The following INPP4A variants were observed in gnomAD, a reference collection of about 807,000 sequenced individuals.
INPP4A encodes the protein inositol polyphosphate-4-phosphatase type I A, also known as inositol polyphosphate-4-phosphatase, type I, 107kD.
INPP4A carries 33 observed loss-of-function variants against 119.8 expected under a neutral mutation model. The ratio of observed to expected loss-of-function variants is 0.28; its 90% confidence interval spans 0.21 to 0.37. The LOEUF is 0.37. INPP4A is among the 10% of genes least tolerant of loss of function. INPP4A has a pLI of 1.00. For missense variants in INPP4A, 956 were observed against 1,289.9 expected (o/e 0.74, Z 3.97); for synonymous variants, 496 against 500.7 (o/e 0.99, Z 0.12).
At chr2:98,517,349 T>C (rs988815896) in intron 1 of INPP4A, among the ~76,000 whole-genome samples, 3 of 152,200 alleles carry the variant, frequency 2.0e-5, no homozygotes, top group African/African-American at 7.2e-5. Context: ...TGAGCATAAG[T>C]GTGCGTTTCT....
intron 1 of INPP4A, 50 bp from the exon 2 acceptor site, chr2:98,518,914 G>C (rs1686655682): frequency 6.6e-6 from 1 of 152,224 alleles, no homozygotes; most frequent in African/African-American, 2.4e-5. Context: ...CAGTCTCTCA[G>C]AAACTTCATG....
At chr2:98,537,795 G>A in intron 7 of INPP4A, 68 bp from the exon 8 acceptor site, 1 of 1,226,144 alleles carries the variant, frequency 8.2e-7, no homozygotes. Context: ...TACGGCTAGG[G>A]CTTTGTATTT....
At chr2:98,444,694 C>T (rs1693847217), upstream of INPP4A, among the ~76,000 whole-genome samples, 1 of 152,270 alleles carries the variant, frequency 6.6e-6, no homozygotes, top group South Asian at 2.1e-4. Context: ...CTTGTGGGAA[C>T]CTAGCAGTAG....
rs78776190 is a variant in INPP4A, at chr2:98,515,508, T to A, written c.-165-3456T>A. ...GGGGCCCCCATTGCACTTGGGCTTT[T>A]TCTTTGGGTTGATAACGATAGTTCA... On this transcript the variant is annotated intron_variant, in intron 1 of 24. Transcript: ENST00000409851. 6.6e-4 allele frequency among the ~76,000 whole-genome samples: 100 copies of A among 152,262 alleles called. 2 individuals carry two copies. In the East Asian group the frequency reaches 0.01, roughly 16 times the overall value.
In INPP4A at chr2:98,564,629, C is replaced by T. The variant is rs758567911; in HGVS notation, c.2029-11C>T. 1.4e-5 allele frequency: 22 copies of T among 1,612,908 alleles called. No individual in the cohort carries two copies. Among genetic ancestry groups the T allele is most frequent in the Middle Eastern group, 1.8e-4 (1 of 5,430 alleles). Reference sequence around the variant, plus strand: ...CCTGACCCTGAACCTCTTCACCCCACGCTCCCACAGCTGACCGCCCTCATC... The same window carrying T: ...CCTGACCCTGAACCTCTTCACCCCATGCTCCCACAGCTGACCGCCCTCATC... On this transcript the variant is annotated splice_polypyrimidine_tract_variant and intron_variant, in intron 18 of 24. Coordinates refer to ENST00000409851, the MANE Select transcript of INPP4A (RefSeq NM_001134225.2).
intron 1 of INPP4A, among the ~76,000 whole-genome samples, chr2:98,483,679 G>A (rs139112967): frequency 1.1e-3 from 168 of 152,246 alleles, no homozygotes; most frequent in Admixed American, 1.9e-3. Flanking sequence ...TATTACTTCT[G>A]AGCCCTGCCT....
intron 4 of INPP4A, among the ~76,000 whole-genome samples, chr2:98,528,804 G>A (rs1281810769): frequency 1.3e-5 from 2 of 152,150 alleles, no homozygotes; most frequent in African/African-American, 4.8e-5. Flanking sequence ...TCGGCCAGGC[G>A]CAGTGGCTCA....
At chr2:98,526,978 A>C (rs915867905) in intron 4 of INPP4A, among the ~76,000 whole-genome samples, 2 of 152,022 alleles carry the variant, frequency 1.3e-5, no homozygotes, top group African/African-American at 2.4e-5. Context: ...TTTGTCCCCC[A>C]TTATCCAAAT....
intron 1 of INPP4A, among the ~76,000 whole-genome samples, chr2:98,500,361 C>G (rs1014856178): frequency 6.6e-6 from 1 of 152,144 alleles, no homozygotes; most frequent in Non-Finnish European, 1.5e-5. Flanking sequence ...AAATCAAAAT[C>G]CAGCTGTGGA....
Position 98,524,315 on chromosome 2 carries a change from A to G in INPP4A, c.151+3584A>G, listed in dbSNP as rs548329201. ...CAGGTTGGAGAGACAAGGCTTATAT[A>G]TCAGAGGTGTGTGGTTTCTATGGAA... On this transcript the variant is annotated intron_variant, in intron 4 of 24. Coordinates refer to ENST00000409851, the MANE Select transcript of INPP4A (RefSeq NM_001134225.2). Among the ~76,000 whole-genome samples, 3 of 152,354 alleles carry G rather than the reference A, an allele frequency of 2.0e-5. No individual in the cohort carries two copies. In the South Asian group the frequency reaches 6.2e-4, roughly 32 times the overall value.
chr2:98,448,046 CAAAAA>C (rs35998148), intron 1 of INPP4A, among the ~76,000 whole-genome samples: 2 of 64,192 alleles, frequency 3.1e-5, no homozygotes, highest in Middle Eastern at 0.011. Flanking sequence ...GACTCTGTCT[CAAAAA>C]AAAAAAAAAA....
intron 16 of INPP4A, among the ~76,000 whole-genome samples, chr2:98,557,223 C>T (rs894642788): frequency 3.9e-5 from 6 of 152,034 alleles, no homozygotes; most frequent in Non-Finnish European, 7.4e-5. Context: ...TTTATATATG[C>T]TATTTAGGGT....
chr2:98,525,355 G>A (rs1688001922), intron 4 of INPP4A, among the ~76,000 whole-genome samples: 1 of 152,002 alleles, frequency 6.6e-6, no homozygotes, highest in South Asian at 2.1e-4. Context: ...TATTTTTAAG[G>A]GCTCCTGTGA....
At chr2:98,470,064 C>T (rs1379590498) in intron 1 of INPP4A, among the ~76,000 whole-genome samples, 3 of 152,216 alleles carry the variant, frequency 2.0e-5, no homozygotes, top group Non-Finnish European at 4.4e-5. Context: ...TGCCCCTGTC[C>T]GTCCACATCT....
At position 98,589,917 on chromosome 2, in the gene INPP4A, C is replaced by T. The variant is rs776504400; in HGVS notation, c.*2309C>T. The T allele has an allele frequency of 1.5e-5, 3 of 196,292 alleles. No individual in the cohort carries two copies. Among genetic ancestry groups the T allele is most frequent in the African/African-American group, 7.0e-5 (3 of 43,132 alleles). 12.2% of individuals were successfully genotyped at this position (196,292 alleles called of 1,614,324 possible). On this transcript the variant is annotated 3_prime_UTR_variant, in exon 25 of 25. Transcript: ENST00000409851. ...TCAGAGCTCCTACAGAGCACAGTTGCCTTTAGTTTCCTTTAAAGATGTAAA... is the reference window on the plus strand; with the variant it reads ...TCAGAGCTCCTACAGAGCACAGTTGTCTTTAGTTTCCTTTAAAGATGTAAA...
intron 1 of INPP4A, among the ~76,000 whole-genome samples, chr2:98,474,570 G>C (rs1387753680): frequency 6.6e-6 from 1 of 152,182 alleles, no homozygotes; most frequent in Non-Finnish European, 1.5e-5. Context: ...TGCTTGGTGA[G>C]TGACAGACAA....
chr2:98,491,321 A>G (rs1680714713), intron 1 of INPP4A, among the ~76,000 whole-genome samples: 1 of 152,238 alleles, frequency 6.6e-6, no homozygotes, highest in African/African-American at 2.4e-5. Context: ...TCCTGGACGC[A>G]GCGCCACGTA....
chr2:98,552,984 C>A lies in INPP4A; in HGVS notation c.1347+15C>A. 2 of 1,595,738 alleles carry A rather than the reference C, an allele frequency of 1.3e-6. No individual in the cohort carries two copies. Among genetic ancestry groups the A allele is most frequent in the Non-Finnish European group, 8.6e-7 (1 of 1,169,398 alleles). On this transcript the variant is annotated intron_variant, in intron 14 of 24. Transcript: ENST00000409851. ...TGGCAGACAAGGTAGGAGGGGTGCC[C>A]TGCTACATATGGGCTGGGGAGTTTC...
At chr2:98,535,659 G>C in intron 5 of INPP4A, 70 bp from the exon 6 acceptor site, 2 of 688,324 alleles carry the variant, frequency 2.9e-6, no homozygotes, top group Non-Finnish European at 5.1e-6. Flanking sequence ...GAAAATGTTG[G>C]TGTATTTCAA....
Sources: allele counts gnomAD v4.1 joint callset (sites outside exome capture counted in the v4.1 genomes callset), GRCh38; gene constraint gnomAD v4.1.1; transcripts MANE v1.5; gene names NCBI Gene and HGNC (gene_info 2026-07-23, HGNC 2026-07-21).